The following AFG2A variants were observed in gnomAD, a reference collection of about 807,000 sequenced individuals.
AFG2A encodes the protein ATPase family gene 2 protein homolog A.
At chr4:123,290,551 G>A in the AFG2A span, among the ~76,000 whole-genome samples, 2 of 152,060 alleles carry the variant, frequency 1.3e-5, no homozygotes, top group African/African-American at 4.8e-5. Context: ...CCCAAGACTG[G>A]GCAATTTACA....
At chr4:123,007,642 A>ACACAT in the AFG2A span, among the ~76,000 whole-genome samples, 3 of 25,510 alleles carry the variant, frequency 1.2e-4, no homozygotes, top group Non-Finnish European at 3.0e-4. Context: ...ACACACACAC[A>ACACAT]ACACACACAC....
the AFG2A span, among the ~76,000 whole-genome samples, chr4:123,030,498 C>G: frequency 6.6e-6 from 1 of 152,014 alleles, no homozygotes; most frequent in Non-Finnish European, 1.5e-5. Context: ...TTTATTTGAG[C>G]TTTTTCATTA....
chr4:123,126,883 C>T, the AFG2A span, among the ~76,000 whole-genome samples: 1 of 151,928 alleles, frequency 6.6e-6, no homozygotes, highest in African/African-American at 2.4e-5. Flanking sequence ...TTTTGATAGC[C>T]GTCAGATAAT....
At chr4:123,107,013 T>C in the AFG2A span, among the ~76,000 whole-genome samples, 6 of 152,244 alleles carry the variant, frequency 3.9e-5, no homozygotes, top group South Asian at 1.2e-3. Flanking sequence ...CTGGACCAGA[T>C]GTACTGCACA....
the AFG2A span, among the ~76,000 whole-genome samples, chr4:123,303,174 A>G: frequency 0.022 from 3,412 of 152,228 alleles, 125 homozygotes; most frequent in African/African-American, 0.077. Flanking sequence ...AAATCCCCAT[A>G]GATGCAAATG....
At chr4:123,311,041 T>G in the AFG2A span, among the ~76,000 whole-genome samples, 1 of 152,198 alleles carries the variant, frequency 6.6e-6, no homozygotes, top group Non-Finnish European at 1.5e-5. Context: ...AGAAGTTCTC[T>G]AGGTCATCCC....
At chr4:122,986,189 C>T in the AFG2A span, among the ~76,000 whole-genome samples, 33 of 152,148 alleles carry the variant, frequency 2.2e-4, no homozygotes, top group African/African-American at 7.7e-4. Context: ...GTTTTATGGC[C>T]TATCACGTGG....
the AFG2A span, among the ~76,000 whole-genome samples, chr4:122,985,497 T>C: frequency 6.6e-6 from 1 of 152,198 alleles, no homozygotes; most frequent in Non-Finnish European, 1.5e-5. Flanking sequence ...TAATTCTTCC[T>C]GATTTAAGCT....
At chr4:123,314,447 AT>A in the AFG2A span, 1 of 153,626 alleles carries the variant, frequency 6.5e-6, no homozygotes, top group African/African-American at 2.4e-5. Context: ...ATGTGGATAA[AT>A]TTTTTGTAAT....
the AFG2A span, among the ~76,000 whole-genome samples, chr4:123,099,521 GA>G: frequency 2.0e-5 from 3 of 151,080 alleles, no homozygotes; most frequent in East Asian, 5.8e-4. Context: ...TGAGTTGAAT[GA>G]GCCACAGAGT....
the AFG2A span, among the ~76,000 whole-genome samples, chr4:123,199,716 C>G: frequency 6.6e-6 from 1 of 151,956 alleles, no homozygotes; most frequent in East Asian, 1.9e-4. Flanking sequence ...GTGGTCTGCC[C>G]GCCTCAGGCT....
At chr4:122,974,987 T>C in the AFG2A span, among the ~76,000 whole-genome samples, 15 of 152,176 alleles carry the variant, frequency 9.9e-5, no homozygotes, top group Non-Finnish European at 1.5e-4. Flanking sequence ...GGACTGTCTT[T>C]ATCACTGAAT....
At chr4:122,942,665 G>C in the AFG2A span, among the ~76,000 whole-genome samples, 12 of 151,796 alleles carry the variant, frequency 7.9e-5, no homozygotes, top group Non-Finnish European at 8.8e-5. Context: ...GTTATTTCTT[G>C]CCTTCTGCTA....
At chr4:123,046,364 A>G in the AFG2A span, among the ~76,000 whole-genome samples, 2 of 152,186 alleles carry the variant, frequency 1.3e-5, no homozygotes, top group Admixed American at 1.3e-4. Flanking sequence ...TACATAGCTG[A>G]GTTAATAAAG....
At chr4:123,241,670 A>G in the AFG2A span, among the ~76,000 whole-genome samples, 2 of 152,200 alleles carry the variant, frequency 1.3e-5, no homozygotes, top group Non-Finnish European at 2.9e-5. Flanking sequence ...CCCACAGCCA[A>G]TATCATACTG....
At chr4:123,127,153 G>A in the AFG2A span, among the ~76,000 whole-genome samples, 3 of 152,270 alleles carry the variant, frequency 2.0e-5, no homozygotes, top group African/African-American at 7.2e-5. Flanking sequence ...ATGGTGATCC[G>A]TGATCTTGCC....
chr4:123,278,229 ATCT>A, the AFG2A span, among the ~76,000 whole-genome samples: 1 of 152,022 alleles, frequency 6.6e-6, no homozygotes, highest in African/African-American at 2.4e-5. Flanking sequence ...TTTATTCTAG[ATCT>A]TCTAGTTTGT....
chr4:123,216,887 T>C, the AFG2A span, among the ~76,000 whole-genome samples: 1 of 152,106 alleles, frequency 6.6e-6, no homozygotes, highest in Non-Finnish European at 1.5e-5. Context: ...CAGACTGGTC[T>C]CATGTCTCCT....
the AFG2A span, among the ~76,000 whole-genome samples, chr4:123,277,631 T>C: frequency 5.3e-5 from 8 of 152,208 alleles, no homozygotes; most frequent in Admixed American, 6.5e-5. Context: ...ATGGCTCTTA[T>C]TATTTTGAAG....
Sources: gnomAD v4.1 joint callset for allele counts (sites outside exome capture counted in the v4.1 genomes callset) on GRCh38, gnomAD v4.1.1 for gene constraint, MANE v1.5 for transcripts, NCBI Gene and HGNC (gene_info 2026-07-23, HGNC 2026-07-21) for gene names.